Variants in AGMO observed in about 807,000 individuals in gnomAD.
AGMO encodes glyceryl-ether monooxygenase.
In AGMO, 75 loss-of-function variants were observed where a neutral mutation model predicts 60.2. The ratio of observed to expected loss-of-function variants is 1.25; its 90% confidence interval spans 1.03 to 1.51. The LOEUF (loss-of-function observed/expected upper bound fraction) is 1.51. Ranked by LOEUF, AGMO falls within the 40% of genes most tolerant of loss-of-function variation. The pLI, the probability that AGMO is intolerant of heterozygous loss-of-function variation, is 0.00. For synonymous variants in AGMO, 261 were observed against 177.1 expected, an observed-to-expected ratio of 1.47 and a Z score of -3.76; for missense variants, 763 against 525.5, an observed-to-expected ratio of 1.45 and a Z score of -4.42.
chr7:15,491,544 C>T (rs560024012), intron 3 of AGMO, among the ~76,000 whole-genome samples: 1 of 152,258 alleles, frequency 6.6e-6, no homozygotes, highest in South Asian at 2.1e-4. Context: ...GACTTTAATA[C>T]TATTAACTCA....
chr7:15,356,501 AAAT>A (rs1782534472), intron 12 of AGMO, among the ~76,000 whole-genome samples: 1 of 152,082 alleles, frequency 6.6e-6, no homozygotes, highest in Non-Finnish European at 1.5e-5. Flanking sequence ...TTAAAAAATG[AAAT>A]AATATATTGC....
intron 12 of AGMO, among the ~76,000 whole-genome samples, chr7:15,363,968 ATATG>A (rs1321153223): frequency 6.6e-6 from 1 of 151,962 alleles, no homozygotes; most frequent in African/African-American, 2.4e-5. Flanking sequence ...ATTTTATTAA[ATATG>A]TATAATTTAT....
At chr7:15,310,073 T>C (rs975287665) in intron 12 of AGMO, among the ~76,000 whole-genome samples, 5 of 152,186 alleles carry the variant, frequency 3.3e-5, no homozygotes, top group African/African-American at 1.2e-4. Flanking sequence ...GCTCCCCACA[T>C]GCTTAGTGCC....
chr7:15,309,906 A>G (rs1780720456), intron 12 of AGMO, among the ~76,000 whole-genome samples: 1 of 152,174 alleles, frequency 6.6e-6, no homozygotes, highest in Non-Finnish European at 1.5e-5. Flanking sequence ...AGTAAGGTTT[A>G]ATTTTCCCAA....
At chr7:15,143,222 AATC>A in the AGMO span, among the ~76,000 whole-genome samples, 2 of 152,204 alleles carry the variant, frequency 1.3e-5, no homozygotes, top group Non-Finnish European at 2.9e-5. Flanking sequence ...GATGAGTGGA[AATC>A]ACTGTCTCTT....
chr7:15,310,229 CA>C (rs746301117), intron 12 of AGMO, among the ~76,000 whole-genome samples: 2 of 152,002 alleles, frequency 1.3e-5, no homozygotes, highest in South Asian at 2.1e-4. Context: ...CAAAAGTGCT[CA>C]AAAAAATCAC....
chr7:15,378,837 T>C (rs893931723), intron 10 of AGMO, among the ~76,000 whole-genome samples: 1 of 151,336 alleles, frequency 6.6e-6, no homozygotes, highest in African/African-American at 2.4e-5. Flanking sequence ...ACATGACACA[T>C]AATCTAAAAT....
chr7:15,148,234 G>C, the AGMO span, among the ~76,000 whole-genome samples: 1 of 151,868 alleles, frequency 6.6e-6, no homozygotes, highest in African/African-American at 2.4e-5. Context: ...TTGTTAGTTA[G>C]TGGTAAATCT....
rs577267500 is a variant in AGMO, at chr7:15,487,614, G to A, written c.410-56506C>T. On this transcript the variant is annotated intron_variant, in intron 3 of 12. Coordinates refer to ENST00000342526, the MANE Select transcript of AGMO (RefSeq NM_001004320.2). ...ATGTTTCAAACTCCCTAACAAGCAG[G>A]ATCCCATTTTCTCCCTGAACATTAT... Among the ~76,000 whole-genome samples the A allele has an allele frequency of 2.7e-3, 413 of 152,004 alleles. 2 individuals are homozygous for A. The highest frequency in any genetic ancestry group is 9.6e-3 in the African/African-American group (398 of 41,480).
chr7:15,351,840 T>C (rs1259470165), intron 12 of AGMO, among the ~76,000 whole-genome samples: 1 of 152,212 alleles, frequency 6.6e-6, no homozygotes, highest in Non-Finnish European at 1.5e-5. Flanking sequence ...TCTGTTTAAA[T>C]GAATCATTGA....
chr7:15,251,886 G>A (rs1272249903), intron 12 of AGMO, among the ~76,000 whole-genome samples: 1 of 152,184 alleles, frequency 6.6e-6, no homozygotes, highest in Non-Finnish European at 1.5e-5. Context: ...TTCCTTGCAA[G>A]AGGCATGCTA....
At position 15,215,601 on chromosome 7, in the gene AGMO, G is replaced by A. The variant is rs150971643; in HGVS notation, c.1264-14242C>T. Among the ~76,000 whole-genome samples, 265 of 152,196 alleles carry A rather than the reference G, an allele frequency of 1.7e-3. 1 individual carries two copies. Among genetic ancestry groups the A allele is most frequent in the African/African-American group, 6.0e-3 (251 of 41,550 alleles). ...TTTTGGTACTATATGGTTAGAGATC[G>A]CTGTATGAATCTAATTCCTGCTGAT... On this transcript the variant is annotated intron_variant, in intron 12 of 12. Coordinates refer to ENST00000342526, the MANE Select transcript of AGMO (RefSeq NM_001004320.2).
intron 12 of AGMO, among the ~76,000 whole-genome samples, chr7:15,243,002 T>TG (rs919234095): frequency 6.6e-6 from 1 of 151,886 alleles, no homozygotes; most frequent in Non-Finnish European, 1.5e-5. Flanking sequence ...AAGATGTCAG[T>TG]GGGGGGAGGT....
chr7:15,508,617 T>C (rs1446368395), intron 3 of AGMO, among the ~76,000 whole-genome samples: 4 of 152,000 alleles, frequency 2.6e-5, no homozygotes, highest in Admixed American at 2.6e-4. Context: ...GAGAAACAGA[T>C]GCCAGGGAAA....
chr7:15,322,475 A>AAATAT, intron 12 of AGMO, among the ~76,000 whole-genome samples: 1 of 65,604 alleles, frequency 1.5e-5, no homozygotes, highest in East Asian at 4.4e-4. Context: ...TAAATATATA[A>AAATAT]ATATATATAT....
At chr7:15,384,817 C>CTTTTTTTTTTTTTT (rs71953359) in intron 10 of AGMO, among the ~76,000 whole-genome samples, 3 of 121,296 alleles carry the variant, frequency 2.5e-5, no homozygotes, top group Admixed American at 8.8e-5. Flanking sequence ...CTGTTTTTCT[C>CTTTTTTTTTTTTTT]TTTTTTTTTT....
chr7:15,305,623 T>A (rs759729752), intron 12 of AGMO, among the ~76,000 whole-genome samples: 1 of 152,034 alleles, frequency 6.6e-6, no homozygotes, highest in Non-Finnish European at 1.5e-5. Context: ...TTCCTATATA[T>A]ATATTTATAT....
chr7:15,369,445 AATTT>A (rs1399925332), intron 10 of AGMO, among the ~76,000 whole-genome samples: 1 of 152,056 alleles, frequency 6.6e-6, no homozygotes, highest in Non-Finnish European at 1.5e-5. Flanking sequence ...CCATGCCAGA[AATTT>A]TCCTGTTCCT....
chr7:15,403,146 A>G (rs1419201528), intron 5 of AGMO, among the ~76,000 whole-genome samples: 1 of 151,952 alleles, frequency 6.6e-6, no homozygotes, highest in Non-Finnish European at 1.5e-5. Context: ...TTTATAATCA[A>G]TTTGAACTTA....
Sources: gnomAD v4.1 joint callset for allele counts (sites outside exome capture counted in the v4.1 genomes callset) on GRCh38, gnomAD v4.1.1 for gene constraint, MANE v1.5 for transcripts, NCBI Gene and HGNC (gene_info 2026-07-23, HGNC 2026-07-21) for gene names.